Variants in ASXL3 observed in about 807,000 individuals in gnomAD.
The protein encoded by ASXL3 is ASXL transcriptional regulator 3, also known as putative Polycomb group protein ASXL3.
ASXL3 carries 34 observed loss-of-function variants against 170.6 expected under a neutral mutation model. The observed-to-expected ratio is 0.20, with a 90% CI of 0.15 to 0.27. The LOEUF (loss-of-function observed/expected upper bound fraction) is 0.27. ASXL3 is among the 10% of genes least tolerant of loss of function. The probability of loss-of-function intolerance (pLI) is 1.00; values close to 1 mark genes in which losing one functional copy is unlikely to be tolerated. For synonymous variants in ASXL3, 1,002 were observed against 989.1 expected, an observed-to-expected ratio of 1.01 and a Z score of -0.24; for missense variants, 2,592 against 2,695.3, an observed-to-expected ratio of 0.96 and a Z score of 0.85.
intron 7 of ASXL3, 45 bp from the exon 8 acceptor site, chr18:33,683,360 C>G (rs990379758): frequency 1.5e-5 from 23 of 1,551,408 alleles, no homozygotes; most frequent in Admixed American, 9.4e-5. Context: ...GTACACGTTT[C>G]CCTCTACCTG....
intron 7 of ASXL3, among the ~76,000 whole-genome samples, chr18:33,672,346 C>T (rs1364674367): frequency 2.0e-5 from 3 of 152,088 alleles, no homozygotes; most frequent in African/African-American, 7.2e-5. Flanking sequence ...TAGTGCCTGT[C>T]TGAAAAAATG....
chr18:33,648,827 A>G (rs1026795923), intron 4 of ASXL3, among the ~76,000 whole-genome samples: 2 of 152,108 alleles, frequency 1.3e-5, no homozygotes, highest in African/African-American at 4.8e-5. Context: ...ATATGAAGAA[A>G]GTATTTTGGA....
rs115019334 is a variant in ASXL3 at position 33,642,118 on chromosome 18, A to G, written c.138-2776A>G. 3.6e-3 allele frequency among the ~76,000 whole-genome samples: 542 copies of G among 152,070 alleles called. 3 individuals carry two copies. Among genetic ancestry groups the G allele is most frequent in the African/African-American group, 0.012 (509 of 41,540 alleles). ...ATATATATATGTGTATATACAATAT[A>G]TAGTATACATGCCAATTCTATTTTT... On this transcript the variant is annotated intron_variant, in intron 2 of 11. Transcript: ENST00000269197.
chr18:33,680,496 T>C (rs2066498077), intron 7 of ASXL3, among the ~76,000 whole-genome samples: 1 of 152,084 alleles, frequency 6.6e-6, no homozygotes. Context: ...GTTGTAAAAG[T>C]TCTCTGTAGC....
chr18:33,589,983 A>C (rs1335142166), intron 1 of ASXL3, among the ~76,000 whole-genome samples: 1 of 152,148 alleles, frequency 6.6e-6, no homozygotes, highest in Non-Finnish European at 1.5e-5. Context: ...TCCCGGTTAC[A>C]AGTGAAACAA....
intron 8 of ASXL3, among the ~76,000 whole-genome samples, chr18:33,698,211 T>G (rs2066806687): frequency 6.6e-6 from 1 of 152,094 alleles, no homozygotes; most frequent in East Asian, 1.9e-4. Context: ...TGCCTGGACT[T>G]TCTTTCTCTT....
chr18:33,724,358 CTATT>C (rs1275372480), intron 8 of ASXL3, among the ~76,000 whole-genome samples: 9 of 152,030 alleles, frequency 5.9e-5, no homozygotes, highest in African/African-American at 9.7e-5. Flanking sequence ...TATTTTGTCA[CTATT>C]TATTCTGAAT....
At chr18:33,647,870 G>A (rs2065938558) in intron 4 of ASXL3, among the ~76,000 whole-genome samples, 1 of 152,066 alleles carries the variant, frequency 6.6e-6, no homozygotes, top group African/African-American at 2.4e-5. Context: ...GAGTGGGGGA[G>A]TAGGGGAGAG....
chr18:33,710,384 G>A (rs555967557), intron 8 of ASXL3, among the ~76,000 whole-genome samples: 17 of 152,288 alleles, frequency 1.1e-4, no homozygotes, highest in South Asian at 6.2e-4. Context: ...ATTGGCAATC[G>A]TTTTAGTGTA....
At position 33,673,405 on chromosome 18, in the gene ASXL3, G is replaced by T. The variant is rs146518844; in HGVS notation, c.715+1539G>T. On this transcript the variant is annotated intron_variant, in intron 7 of 11. Transcript: ENST00000269197. Reference sequence around the variant, plus strand: ...TTTTTTTTTTTTGAGACAGGGTTTCGCTCTTGTTGCCTGGGCTGGAGTACA... The same window carrying T: ...TTTTTTTTTTTTGAGACAGGGTTTCTCTCTTGTTGCCTGGGCTGGAGTACA... Among the ~76,000 whole-genome samples the T allele has an allele frequency of 4.7e-3, 691 of 145,954 alleles. 4 individuals carry two copies. Among genetic ancestry groups the T allele is most frequent in the Admixed American group, 0.014 (198 of 14,494 alleles).
At position 33,745,883 on chromosome 18, in the gene ASXL3, A is replaced by G. The variant is rs2067774874; in HGVS notation, c.6035A>G (p.Lys2012Arg). 10 of 1,613,190 alleles carry G rather than the reference A, an allele frequency of 6.2e-6. No homozygotes were observed. Among genetic ancestry groups the G allele is most frequent in the Middle Eastern group, 1.7e-4 (1 of 6,052 alleles). ...VGGTAHTMPN[K>R]ALVHPPPPPP... ...GGCACTGCACACACAATGCCAAACA[A>G]AGCACTAGTACATCCGCCGCCGCCA... The change falls in exon 12 of 12, where the codon AAA becomes AGA. Residue 2012 changes from lysine (K) to arginine (R), a missense_variant. Transcript: ENST00000269197.
intron 2 of ASXL3, among the ~76,000 whole-genome samples, chr18:33,626,203 G>A (rs770475487): frequency 7.2e-5 from 11 of 151,974 alleles, no homozygotes; most frequent in Non-Finnish European, 1.3e-4. Flanking sequence ...GAAGGAAAAT[G>A]GAAATTCTTT....
chr18:33,677,065 T>A (rs2066441792), intron 7 of ASXL3, among the ~76,000 whole-genome samples: 1 of 152,218 alleles, frequency 6.6e-6, no homozygotes, highest in Non-Finnish European at 1.5e-5. Context: ...GTTTAAAAAG[T>A]GCTTGCTAAA....
chr18:33,689,805 T>C (rs1283782110), intron 8 of ASXL3, among the ~76,000 whole-genome samples: 1 of 152,216 alleles, frequency 6.6e-6, no homozygotes, highest in Non-Finnish European at 1.5e-5. Context: ...GAGGAAGTTC[T>C]TTTAAACTGT....
At chr18:33,713,238 G>GTT (rs1568343410) in intron 8 of ASXL3, among the ~76,000 whole-genome samples, 1 of 44,506 alleles carries the variant, frequency 2.2e-5, no homozygotes, top group Non-Finnish European at 4.5e-5. Flanking sequence ...GGTTTTTTTT[G>GTT]TTTTGTTTTG....
In ASXL3 at chr18:33,744,722, C is replaced by A; in HGVS notation, c.4874C>A (p.Ser1625Ter). 6.2e-7 allele frequency: 1 copy of A among 1,613,204 alleles called. No homozygotes were observed. The highest frequency in any genetic ancestry group is 8.5e-7 in the Non-Finnish European group (1 of 1,179,510). Residue 1625 changes from serine to a stop codon, truncating the protein, a stop_gained, in exon 12 of 12, where the codon TCG (serine) becomes TAG (stop). Transcript: ENST00000269197. LOFTEE classifies it high-confidence loss of function. The stretch of plus-strand genomic sequence containing the variant: ...ACAGGACAGCCTCTGGTTACTCACT[C>A]GGGTTCAAGTAAACAAAAAGAATAT... ...RSTGQPLVTHSGSSKQKEYLE... is the reference protein window; with the variant it reads ...RSTGQPLVTH
intron 2 of ASXL3, among the ~76,000 whole-genome samples, chr18:33,629,102 CA>C (rs1332394570): frequency 6.6e-6 from 1 of 152,080 alleles, no homozygotes; most frequent in African/African-American, 2.4e-5. Context: ...ACAATCCCCC[CA>C]CACGCCAAAA....
intron 9 of ASXL3, among the ~76,000 whole-genome samples, chr18:33,733,207 C>T (rs978447826): frequency 1.3e-5 from 2 of 152,042 alleles, no homozygotes; most frequent in African/African-American, 4.8e-5. Context: ...TGCCTAATCC[C>T]CCTACTCCTT....
intron 4 of ASXL3, among the ~76,000 whole-genome samples, chr18:33,653,365 A>G (rs1445278029): frequency 6.6e-6 from 1 of 152,090 alleles, no homozygotes; most frequent in Non-Finnish European, 1.5e-5. Flanking sequence ...ATTTTGGGAG[A>G]CTAAGCTAAT....
Sources: allele counts gnomAD v4.1 joint callset (sites outside exome capture counted in the v4.1 genomes callset), GRCh38; gene constraint gnomAD v4.1.1; transcripts MANE v1.5; gene names NCBI Gene and HGNC (gene_info 2026-07-23, HGNC 2026-07-21).